Variants in NR1D2 observed in about 807,000 individuals in gnomAD.
NR1D2 encodes the protein V-erbA-related protein 1-related.
A neutral mutation model predicts 52.2 loss-of-function variants in NR1D2; 25 were observed. The observed-to-expected ratio is 0.48, with a 90% CI of 0.35 to 0.67. NR1D2 has a LOEUF of 0.67. NR1D2 is among the 30% of genes least tolerant of loss of function. NR1D2 has a pLI of 0.01. For missense variants in NR1D2, 681 were observed against 707.2 expected (o/e 0.96, Z 0.42); for synonymous variants, 259 against 230.1 (o/e 1.13, Z -1.14).
intron 1 of NR1D2, among the ~76,000 whole-genome samples, chr3:23,945,833 C>CA (rs1259836693): frequency 6.6e-6 from 1 of 150,778 alleles, no homozygotes; most frequent in East Asian, 2.0e-4. Context: ...CGGCCCCCCC[C>CA]TCACATGGCC....
In NR1D2 at chr3:23,962,180, T is replaced by C. The variant is rs1261955716; in HGVS notation, c.721T>C (p.Ser241Pro). 3 of 1,614,084 alleles carry C rather than the reference T, an allele frequency of 1.9e-6. No individual in the cohort carries two copies. Among genetic ancestry groups the C allele is most frequent in the Non-Finnish European group, 2.5e-6 (3 of 1,180,036 alleles). The change falls in exon 5 of 8, where the codon TCT (serine) becomes CCT (proline). Residue 241 changes from serine to proline, a missense_variant. By Grantham distance (74) the Ser-to-Pro change is moderately conservative (BLOSUM62 -1). Transcript: ENST00000312521. ...ACTGGAGCAAGAAAACATCAAAAGC[T>C]CTTCTCCTCCATCTTCTGATTTTGC... ...PQLEQENIKS[S>P]SPPSSDFAKE...
intron 1 of NR1D2, among the ~76,000 whole-genome samples, chr3:23,949,537 CAT>C (rs200610077): frequency 0.015 from 2,265 of 152,302 alleles, 34 homozygotes; most frequent in Non-Finnish European, 0.023. Context: ...CAGTCACAAT[CAT>C]GTGTGTGAAA....
At position 23,959,740 on chromosome 3, in the gene NR1D2, A is replaced by C; in HGVS notation, c.442A>C (p.Ile148Leu). ...KKCLKNENCSIMRMNRNRCQQ... is the reference protein window; with the variant it reads ...KKCLKNENCSLMRMNRNRCQQ... ...GTGCCTGAAGAATGAAAACTGTTCT[A>C]TAATGAGAATGAATAGGAACAGATG... The change falls in exon 4 of 8, where the codon ATA becomes CTA. Residue 148 changes from isoleucine to leucine, a missense_variant. Physicochemically the swap from Ile to Leu is conservative, Grantham distance 5. This residue lies in a region of NR1D2 where 112 missense variants were observed against 162.3 expected (regional missense o/e 0.69). Coordinates refer to ENST00000312521, the MANE Select transcript of NR1D2 (RefSeq NM_005126.5). 1.9e-6 allele frequency: 3 copies of C among 1,613,934 alleles called. No homozygotes were observed. Among genetic ancestry groups the C allele is most frequent in the Non-Finnish European group, 2.5e-6 (3 of 1,179,882 alleles).
At chr3:23,955,509 G>T (rs1706059363) in intron 2 of NR1D2, among the ~76,000 whole-genome samples, 3 of 152,136 alleles carry the variant, frequency 2.0e-5, no homozygotes, top group Admixed American at 2.0e-4. Flanking sequence ...AGGTATTTTT[G>T]TCAGTGCCAT....
intron 1 of NR1D2, chr3:23,946,461 C>T (rs1275949880): frequency 8.8e-6 from 2 of 227,332 alleles, no homozygotes; most frequent in African/African-American, 4.7e-5. Context: ...CGACTCCCCG[C>T]AGACTGGGTA....
chr3:23,971,305 T>TG (rs1467734884), intron 7 of NR1D2, among the ~76,000 whole-genome samples: 1 of 144,046 alleles, frequency 6.9e-6, no homozygotes, highest in Non-Finnish European at 1.5e-5. Context: ...CTATACCTAT[T>TG]TTTTTTTTTT....
chr3:23,970,115 A>G (rs1410966779), intron 7 of NR1D2, among the ~76,000 whole-genome samples: 1 of 152,208 alleles, frequency 6.6e-6, no homozygotes, highest in African/African-American at 2.4e-5. Context: ...TGGTTGAACA[A>G]AGTGATGTTT....
chr3:23,948,662 G>A (rs960433867), intron 1 of NR1D2, among the ~76,000 whole-genome samples: 2 of 152,174 alleles, frequency 1.3e-5, no homozygotes, highest in Non-Finnish European at 2.9e-5. Context: ...GGAAGGTGCC[G>A]TTGCCACCAT....
At chr3:23,970,593 A>G (rs1706560588) in intron 7 of NR1D2, among the ~76,000 whole-genome samples, 1 of 152,166 alleles carries the variant, frequency 6.6e-6, no homozygotes, top group East Asian at 1.9e-4. Flanking sequence ...GTTTGTTTAT[A>G]TAGGATATAT....
At chr3:23,951,086 G>A (rs1705916732) in intron 1 of NR1D2, among the ~76,000 whole-genome samples, 1 of 151,898 alleles carries the variant, frequency 6.6e-6, no homozygotes, top group Non-Finnish European at 1.5e-5. Context: ...TGTATTTTTA[G>A]TAGAGATGGG....
chr3:23,952,520 G>A (rs1255115509), intron 1 of NR1D2, among the ~76,000 whole-genome samples: 1 of 151,664 alleles, frequency 6.6e-6, no homozygotes, highest in African/African-American at 2.4e-5. Flanking sequence ...GACCAGCCTG[G>A]GCAACATGGT....
At chr3:23,965,454 C>T (rs1706417548) in intron 6 of NR1D2, among the ~76,000 whole-genome samples, 1 of 150,756 alleles carries the variant, frequency 6.6e-6, no homozygotes, top group African/African-American at 2.4e-5. Flanking sequence ...GCCTTGTGGC[C>T]CAGGCTGGTC....
intron 1 of NR1D2, chr3:23,946,269 G>C: frequency 3.0e-6 from 3 of 985,490 alleles, no homozygotes; most frequent in Non-Finnish European, 3.6e-6. Flanking sequence ...CCCAAGGCGC[G>C]GACCCCGCGC....
chr3:23,963,244 A>G (rs1465973489), intron 5 of NR1D2: 1 of 1,351,352 alleles, frequency 7.4e-7, no homozygotes, highest in Admixed American at 1.9e-5. Context: ...ATATTCAGCC[A>G]AAATTTCACC....
intron 7 of NR1D2, among the ~76,000 whole-genome samples, chr3:23,968,978 G>C (rs1351991252): frequency 2.6e-5 from 4 of 152,122 alleles, no homozygotes; most frequent in Non-Finnish European, 5.9e-5. Context: ...TAAATTAGTA[G>C]CTCTTGAAAG....
At chr3:23,954,395 T>C (rs1706028875) in intron 1 of NR1D2, 142 bp from the exon 2 acceptor site, 2 of 715,438 alleles carry the variant, frequency 2.8e-6, no homozygotes, top group East Asian at 5.1e-5. Context: ...AGGAAATACT[T>C]TATTTTTTGC....
intron 1 of NR1D2, among the ~76,000 whole-genome samples, chr3:23,947,976 G>A (rs983838367): frequency 6.6e-6 from 1 of 152,096 alleles, no homozygotes; most frequent in Non-Finnish European, 1.5e-5. Context: ...AAATTAGCCG[G>A]GCGTGGTGGT....
Position 23,965,093 on chromosome 3 carries a change from G to A in NR1D2, c.1263G>A (p.Lys421=), listed in dbSNP as rs1706403495. 5 of 1,614,142 alleles carry A rather than the reference G, an allele frequency of 3.1e-6. No homozygotes were observed. The East Asian group carries it at 6.7e-5, about 22-fold the overall frequency. The change falls in exon 6 of 8, where the codon AAG becomes AAA. Residue 421 remains lysine (K), a synonymous_variant. Coordinates refer to ENST00000312521, the MANE Select transcript of NR1D2 (RefSeq NM_005126.5). ...PAVKEVVEFA[K]RIPGFRDLSQ... ...TGAAAGAAGTGGTGGAATTTGCAAAGCGTATTCCTGGGTTCAGAGATCTCT... is the reference window on the plus strand; with the variant it reads ...TGAAAGAAGTGGTGGAATTTGCAAAACGTATTCCTGGGTTCAGAGATCTCT...
At chr3:23,962,667 A>T (rs1418510569) in intron 5 of NR1D2, 62 bp downstream of exon 5, 3 of 1,483,722 alleles carry the variant, frequency 2.0e-6, no homozygotes, top group Non-Finnish European at 2.7e-6. Context: ...ATTTTCTTTT[A>T]TTCGGGAGAT....
Sources: gnomAD v4.1 joint callset for allele counts (sites outside exome capture counted in the v4.1 genomes callset) on GRCh38, gnomAD v4.1.1 for gene constraint, gnomAD v4.1.1 regional missense constraint, MANE v1.5 for transcripts, NCBI Gene and HGNC (gene_info 2026-07-23, HGNC 2026-07-21) for gene names.